HCN4: variants seen among roughly 807,000 people sequenced by gnomAD.
The protein encoded by HCN4 is hyperpolarization activated cyclic nucleotide gated potassium channel 4.
A neutral mutation model predicts 76.9 loss-of-function variants in HCN4; 29 were observed. That is an observed-to-expected ratio of 0.38 (90% confidence interval 0.28 to 0.51). HCN4 has a LOEUF of 0.51. HCN4 is among the 20% of genes least tolerant of loss of function. The pLI is 0.90. For synonymous variants in HCN4, 772 were observed against 762.5 expected, an observed-to-expected ratio of 1.01 and a Z score of -0.21; for missense variants, 1,416 against 1,715.2, an observed-to-expected ratio of 0.83 and a Z score of 3.08.
At chr15:73,360,625 CCT>C (rs140768890) in intron 1 of HCN4, among the ~76,000 whole-genome samples, 12 of 150,086 alleles carry the variant, frequency 8.0e-5, no homozygotes, top group South Asian at 4.2e-4. Flanking sequence ...ATTTGGGGGA[CCT>C]CTCTCTCTCT....
At position 73,323,795 on chromosome 15, in the gene HCN4, G is replaced by A; in HGVS notation, c.2298C>T (p.Thr766=). The A allele has an allele frequency of 6.2e-7, 1 of 1,607,704 alleles. No individual in the cohort carries two copies. The highest frequency in any genetic ancestry group is 8.5e-7 in the Non-Finnish European group (1 of 1,179,528). Residue 766 remains threonine, a synonymous_variant, in exon 8 of 8, where the codon ACC becomes ACT. Transcript: ENST00000261917. ...TCCAGATGACGGGCGTGGGGGTTGG[G>A]GTGGCAGAGGCAGCAGCCTGGACGC... ...AHRVQAAASA[T]PTPTPVIWTP...
chr15:73,327,358 G>A (rs491742), intron 4 of HCN4, among the ~76,000 whole-genome samples: 73,820 of 151,624 alleles, frequency 0.49, 18,283 homozygotes, highest in East Asian at 0.54. Context: ...TGATCTGCCC[G>A]CCTTGGCCTC....
At chr15:73,350,576 G>A (rs887179214) in intron 1 of HCN4, among the ~76,000 whole-genome samples, 8 of 152,084 alleles carry the variant, frequency 5.3e-5, no homozygotes, top group African/African-American at 1.9e-4. Context: ...TTCTCTCAGA[G>A]TCAGCAGATA....
Position 73,322,647 on chromosome 15 carries a change from T to A in HCN4, c.3446A>T (p.His1149Leu), listed in dbSNP as rs1349502142. ...GGATGTCTTCCGAGGCAGAGTGACG[T>A]GCTGGCCGGGGATGGCACCATAGGG... ...GRPYGAIPGQ[H>L]VTLPRKTSSG... is the part of the protein sequence containing the mutation. The change falls in exon 8 of 8, where the codon CAC (histidine) becomes CTC (leucine). Residue 1149 changes from histidine to leucine, a missense_variant. Around this residue, in one of 6 missense-constraint regions of HCN4, gnomAD observed 633 missense variants for 579.8 expected, o/e 1.09. Coordinates refer to ENST00000261917, the MANE Select transcript of HCN4 (RefSeq NM_005477.3). 4 of 1,610,134 alleles carry A rather than the reference T, an allele frequency of 2.5e-6. No individual in the cohort carries two copies. The highest frequency in any genetic ancestry group is 3.4e-6 in the Non-Finnish European group (4 of 1,178,794).
intron 2 of HCN4, among the ~76,000 whole-genome samples, chr15:73,340,319 C>T (rs181618074): frequency 2.0e-5 from 3 of 152,186 alleles, no homozygotes; most frequent in East Asian, 1.9e-4. Flanking sequence ...GTAAGGTCAG[C>T]CCCTGGGAGG....
intron 3 of HCN4, 74 bp downstream of exon 3, chr15:73,332,057 G>T: frequency 6.8e-7 from 1 of 1,469,708 alleles, no homozygotes; most frequent in African/African-American, 1.4e-5. Flanking sequence ...GAAGTTCCAA[G>T]TCCACATCTC....
intron 2 of HCN4, among the ~76,000 whole-genome samples, chr15:73,334,210 G>A (rs1031662663): frequency 6.6e-6 from 1 of 152,164 alleles, no homozygotes; most frequent in Admixed American, 6.5e-5. Flanking sequence ...TTGAGCTCCT[G>A]GCTAAGCTGA....
Position 73,344,285 on chromosome 15 carries a change from A to T in HCN4, c.786-477T>A, listed in dbSNP as rs555576101. The stretch of plus-strand genomic sequence containing the variant: ...TGACCAAAGAGCAGGGGAGGTACAG[A>T]CATGACTCAGGTGCCTGGAAGGCAG... On this transcript the variant is annotated intron_variant, in intron 1 of 7. Transcript: ENST00000261917. Among the ~76,000 whole-genome samples the T allele has an allele frequency of 2.6e-5, 4 of 152,236 alleles. No individual in the cohort carries two copies. The East Asian group carries it at 7.7e-4, about 29-fold the overall frequency.
rs766277314 is a variant in HCN4, at chr15:73,323,315, GAGC to G, written c.2775_2777del (p.Leu926del). 3 of 1,555,392 alleles carry G rather than the reference GAGC, an allele frequency of 1.9e-6. No homozygotes were observed. Among genetic ancestry groups the G allele is most frequent in the Non-Finnish European group, 2.6e-6 (3 of 1,148,890 alleles). ...AGCGGGCGCCTGGCTGCAGCGGGGT[GAGC>G]AGGGGAGAGTCGGAGGAGGACAGGG... On this transcript the variant is annotated inframe_deletion, in exon 8 of 8. Coordinates refer to ENST00000261917, the MANE Select transcript of HCN4 (RefSeq NM_005477.3).
At position 73,328,514 on chromosome 15, in the gene HCN4, G is replaced by A. The variant is rs2042913884; in HGVS notation, c.1590+1059C>T. On this transcript the variant is annotated intron_variant, in intron 4 of 7. Coordinates refer to ENST00000261917, the MANE Select transcript of HCN4 (RefSeq NM_005477.3). The surrounding 1 kb of genome is among the most constrained non-coding windows in gnomAD (Gnocchi z 4.0). ...AGATGCCGCTCCAACTGCTGTGTGA[G>A]GTGTGCAGTGGAAGGTGCCAGGGCA... Among the ~76,000 whole-genome samples the A allele has an allele frequency of 6.6e-6, 1 of 151,996 alleles. No individual in the cohort carries two copies. The highest frequency in any genetic ancestry group is 6.5e-5 in the Admixed American group (1 of 15,270).
chr15:73,344,686 A>T (rs149970303), intron 1 of HCN4, among the ~76,000 whole-genome samples: 1 of 152,216 alleles, frequency 6.6e-6, no homozygotes, highest in African/African-American at 2.4e-5. Context: ...AGTCGTTTGT[A>T]GAGGGAGCCT....
Position 73,332,212 on chromosome 15 carries a change from G to A in HCN4, c.1290C>T (p.His430=), listed in dbSNP as rs748188244. ...CCAGGAACTGCAGGCAGCCGTCCCA[G>A]TGGCAGAGCAGGAGCATCATGCCGA... ...NLIGMMLLLC[H]WDGCLQFLVP... is the part of the protein sequence containing the mutation. Residue 430 remains histidine (H), a synonymous_variant, in exon 3 of 8, where the codon CAC becomes CAT. Coordinates refer to ENST00000261917, the MANE Select transcript of HCN4 (RefSeq NM_005477.3). The A allele has an allele frequency of 3.7e-6, 6 of 1,614,216 alleles. No homozygotes were observed. The highest frequency in any genetic ancestry group is 5.1e-6 in the Non-Finnish European group (6 of 1,180,016).
In HCN4 at chr15:73,325,627, C is replaced by T. The variant is rs1313939742; in HGVS notation, c.1591-183G>A. On this transcript the variant is annotated intron_variant, in intron 4 of 7. Coordinates refer to ENST00000261917, the MANE Select transcript of HCN4 (RefSeq NM_005477.3). This position sits in a 1 kb window ranked among gnomAD's most constrained non-coding sequence, Gnocchi z 7.4. ...CCTCACTGTGCTCAAAACAACTGCC[C>T]GGGCTCCCAGCTGCTTGGCATGGAG... 3.3e-5 allele frequency among the ~76,000 whole-genome samples: 5 copies of T among 152,144 alleles called. No homozygotes were observed. The highest frequency in any genetic ancestry group is 7.3e-5 in the Non-Finnish European group (5 of 68,036).
In HCN4 at chr15:73,343,104, G is replaced by A. The variant is rs1039889420; in HGVS notation, c.1209+281C>T. ...TTACTAATCATGCAACCTTGTATAA[G>A]TCACTTAATATTTCTGTCTGTTTCT... On this transcript the variant is annotated intron_variant, in intron 2 of 7. Coordinates refer to ENST00000261917, the MANE Select transcript of HCN4 (RefSeq NM_005477.3). The surrounding 1 kb of genome is among the most constrained non-coding windows in gnomAD (Gnocchi z 5.7). Among the ~76,000 whole-genome samples the A allele has an allele frequency of 6.6e-6, 1 of 152,200 alleles. No homozygotes were observed. The highest frequency in any genetic ancestry group is 2.4e-5 in the African/African-American group (1 of 41,452).
chr15:73,366,082 A>T (rs1202868980), intron 1 of HCN4, among the ~76,000 whole-genome samples: 1 of 152,160 alleles, frequency 6.6e-6, no homozygotes, highest in Non-Finnish European at 1.5e-5. Context: ...CAATTTGATG[A>T]CTATGGCTGT....
At chr15:73,340,587 C>T (rs2042995324) in intron 2 of HCN4, among the ~76,000 whole-genome samples, 1 of 152,210 alleles carries the variant, frequency 6.6e-6, no homozygotes, top group South Asian at 2.1e-4. Context: ...TCCAGAGTCA[C>T]TGTCCCCTCT....
intron 1 of HCN4, among the ~76,000 whole-genome samples, chr15:73,346,251 C>G (rs979924492): frequency 6.6e-6 from 1 of 152,102 alleles, no homozygotes; most frequent in African/African-American, 2.4e-5. Context: ...GATTCCTGCT[C>G]CATGGTTTAC....
At chr15:73,350,257 G>A (rs573099194) in intron 1 of HCN4, among the ~76,000 whole-genome samples, 3 of 152,188 alleles carry the variant, frequency 2.0e-5, no homozygotes, top group African/African-American at 7.2e-5. Flanking sequence ...TAAAACCAAC[G>A]CCTTTAACTC....
chr15:73,326,191 G>A (rs2042898136), intron 4 of HCN4, among the ~76,000 whole-genome samples: 1 of 152,076 alleles, frequency 6.6e-6, no homozygotes, highest in Admixed American at 6.6e-5. Flanking sequence ...AGCAGGATGA[G>A]GGATGGGAGG....
Sources: gnomAD v4.1 joint callset for allele counts (sites outside exome capture counted in the v4.1 genomes callset) on GRCh38, gnomAD v4.1.1 for gene constraint, gnomAD v4.1.1 regional missense constraint, Gnocchi (gnomAD v3.1) non-coding constraint, MANE v1.5 for transcripts, NCBI Gene and HGNC (gene_info 2026-07-23, HGNC 2026-07-21) for gene names.